Variants in SPATA33 observed in about 807,000 individuals in gnomAD.
SPATA33 encodes spermatogenesis associated 33, also known as spermatogenesis-associated protein 33.
SPATA33 carries 10 observed loss-of-function variants against 8.9 expected under a neutral mutation model. The observed-to-expected ratio is 1.12, with a 90% CI of 0.69 to 1.90. SPATA33 has a LOEUF of 1.90. Among genes scored for constraint, SPATA33 ranks in the 40% most tolerant of loss-of-function variants. SPATA33 has a pLI of 0.00. For synonymous variants in SPATA33, 96 were observed against 72.8 expected (o/e 1.32, Z -1.63); for missense variants, 241 against 178.3 (o/e 1.35, Z -2.00).
chr16:89,660,406 T>G (rs2059951169), intron 2 of SPATA33: 2 of 1,184,706 alleles, frequency 1.7e-6, no homozygotes, highest in Non-Finnish European at 2.1e-6. Flanking sequence ...GAGGACCGCC[T>G]GTTGGAAGGG....
At chr16:89,667,108 T>C (rs2060036393) in intron 2 of SPATA33, among the ~76,000 whole-genome samples, 1 of 152,214 alleles carries the variant, frequency 6.6e-6, no homozygotes, top group South Asian at 2.1e-4. Flanking sequence ...CTCCCTTTCC[T>C]GGTCTGCTAA....
At chr16:89,663,497 G>A (rs1464173308) in intron 2 of SPATA33, among the ~76,000 whole-genome samples, 2 of 151,674 alleles carry the variant, frequency 1.3e-5, no homozygotes, top group Admixed American at 6.6e-5. Flanking sequence ...CGCTTGCCTC[G>A]GCCTCCTGAA....
At chr16:89,662,144 A>G (rs548798299) in intron 2 of SPATA33, among the ~76,000 whole-genome samples, 6 of 152,130 alleles carry the variant, frequency 3.9e-5, no homozygotes, top group Non-Finnish European at 5.9e-5. Context: ...ATACAAAAAA[A>G]TTAGCTGGGT....
Position 89,658,436 on chromosome 16 carries a change from G to A in SPATA33, c.211+15G>A. ...TTCGCTGGAAGGTAGGAGACGGCGG[G>A]AGGGAGCGAAGCGAGGTCAGTGGCT... On this transcript the variant is annotated intron_variant, in intron 2 of 2. Transcript: ENST00000579310. The A allele has an allele frequency of 6.3e-7, 1 of 1,591,246 alleles. No individual in the cohort carries two copies.
At chr16:89,661,817 G>A (rs985351803) in intron 2 of SPATA33, among the ~76,000 whole-genome samples, 2 of 152,074 alleles carry the variant, frequency 1.3e-5, no homozygotes, top group South Asian at 4.2e-4. Context: ...ATGAGTCAGT[G>A]TTAATTTTCT....
chr16:89,667,436 A>G (rs1288242705), intron 2 of SPATA33, among the ~76,000 whole-genome samples: 1 of 152,196 alleles, frequency 6.6e-6, no homozygotes. Flanking sequence ...TAGATCTAGT[A>G]TAACTATTCT....
intron 2 of SPATA33, chr16:89,658,666 G>A: frequency 1.8e-6 from 1 of 557,804 alleles, no homozygotes; most frequent in African/African-American, 1.9e-5. Flanking sequence ...AGGTGGTCGA[G>A]GGGCTGGGGC....
chr16:89,667,545 C>G (rs2060042771), intron 2 of SPATA33, among the ~76,000 whole-genome samples: 2 of 152,230 alleles, frequency 1.3e-5, no homozygotes, highest in South Asian at 2.1e-4. Context: ...TGCTGGTGGT[C>G]CCAGCTACTT....
chr16:89,659,461 G>T (rs1004195652), intron 2 of SPATA33: 4 of 152,266 alleles, frequency 2.6e-5, no homozygotes, highest in African/African-American at 7.2e-5. Flanking sequence ...ATCACTTAAG[G>T]TCAGGAGTTC....
intron 2 of SPATA33, among the ~76,000 whole-genome samples, chr16:89,663,309 G>A (rs1042872731): frequency 2.0e-5 from 3 of 149,856 alleles, no homozygotes; most frequent in Non-Finnish European, 3.0e-5. Flanking sequence ...TTGGTCTCCC[G>A]GGTTCAAGCA....
At chr16:89,662,678 C>T (rs534780878) in intron 2 of SPATA33, among the ~76,000 whole-genome samples, 8 of 152,336 alleles carry the variant, frequency 5.3e-5, no homozygotes, top group East Asian at 3.9e-4. Context: ...CCACCCGCCT[C>T]GGCCTCCCAA....
At chr16:89,659,685 C>T (rs2059938159) in intron 2 of SPATA33, 1 of 146,116 alleles carries the variant, frequency 6.8e-6, no homozygotes, top group Non-Finnish European at 1.5e-5. Context: ...GACTCTGTCT[C>T]AGAAAAAAAA....
rs1472152253 is a variant in SPATA33, at chr16:89,664,186, C to A, written c.212-5100C>A. ...GACTGCGTTAAAATGTTAAACCTCT[C>A]CCCAAACTCTTATAAACAATTGTAG... On this transcript the variant is annotated intron_variant, in intron 2 of 2. Transcript: ENST00000579310. Among the ~76,000 whole-genome samples the A allele has an allele frequency of 5.3e-5, 8 of 152,314 alleles. No homozygotes were observed. In the South Asian group the frequency reaches 1.0e-3, roughly 20 times the overall value.
intron 2 of SPATA33, chr16:89,668,170 G>C (rs1169525807): frequency 1.3e-5 from 2 of 152,236 alleles, no homozygotes; most frequent in African/African-American, 4.8e-5. Context: ...AAATTCCCCA[G>C]GTGTGGTGGC....
intron 2 of SPATA33, chr16:89,660,282 C>T (rs1347863147): frequency 2.0e-5 from 8 of 392,630 alleles, no homozygotes; most frequent in East Asian, 7.4e-5. Flanking sequence ...AGGAAGGCTT[C>T]GCCTGCCCAG....
chr16:89,661,754 G>A (rs190170160), intron 2 of SPATA33, among the ~76,000 whole-genome samples: 4 of 152,182 alleles, frequency 2.6e-5, no homozygotes, highest in East Asian at 1.9e-4. Context: ...AAATCTGAGC[G>A]ACCTAGACCT....
At chr16:89,660,422 G>C (rs1204353149) in intron 2 of SPATA33, 1 of 1,216,350 alleles carries the variant, frequency 8.2e-7, no homozygotes, top group African/African-American at 1.6e-5. Context: ...AAGGGCCCCA[G>C]CAGTGTCTGT....
chr16:89,670,406 G>C lies in SPATA33; in HGVS notation c.*909G>C, dbSNP rs1454882250. The C allele has an allele frequency of 1.3e-5, 2 of 152,328 alleles. No homozygotes were observed. Among genetic ancestry groups the C allele is most frequent in the African/African-American group, 4.8e-5 (2 of 41,468 alleles). 9.4% of individuals were successfully genotyped at this position (152,328 alleles called of 1,614,324 possible). A position where few individuals can be genotyped will look rare whatever the true frequency, so the allele number is the denominator to read the frequency against. On this transcript the variant is annotated 3_prime_UTR_variant, in exon 3 of 3. Transcript: ENST00000579310. ...TCGAGGCAAGAGTGACTGGCTCAGA[G>C]AGCGAGCTTTGTGGTATTGATAAAT...
At chr16:89,659,346 T>C (rs2059933063) in intron 2 of SPATA33, 1 of 152,250 alleles carries the variant, frequency 6.6e-6, no homozygotes, top group Admixed American at 6.5e-5. Context: ...TGGGGGCCTG[T>C]GCCAGGAGGA....
Sources: allele counts gnomAD v4.1 joint callset (sites outside exome capture counted in the v4.1 genomes callset), GRCh38; gene constraint gnomAD v4.1.1; transcripts MANE v1.5; gene names NCBI Gene and HGNC (gene_info 2026-07-23, HGNC 2026-07-21).